Variants in JAKMIP3 observed in about 807,000 individuals in gnomAD.
JAKMIP3 encodes the protein janus kinase and microtubule-interacting protein 3.
In JAKMIP3, 58 loss-of-function variants were observed where a neutral mutation model predicts 118.5. The observed-to-expected ratio is 0.49, with a 90% CI of 0.40 to 0.61. JAKMIP3 has a LOEUF of 0.61. Among genes scored for constraint, JAKMIP3 ranks in the 20% least tolerant of loss-of-function variants. JAKMIP3 has a pLI of 0.00. For missense variants in JAKMIP3, 950 were observed against 1,109.0 expected, an observed-to-expected ratio of 0.86 and a Z score of 2.04; for synonymous variants, 486 against 451.2, an observed-to-expected ratio of 1.08 and a Z score of -0.98.
At chr10:132,163,077 C>T (rs1033954494) in intron 19 of JAKMIP3, 132 bp from the exon 20 acceptor site, 1 of 854,924 alleles carries the variant, frequency 1.2e-6, no homozygotes, top group Non-Finnish European at 1.8e-6. Flanking sequence ...GGCCACAGCA[C>T]TGGGTCCCTC....
intron 23 of JAKMIP3, among the ~76,000 whole-genome samples, chr10:132,178,290 A>G (rs1052911770): frequency 7.9e-5 from 12 of 152,238 alleles, no homozygotes; most frequent in African/African-American, 2.9e-4. Context: ...CCCTGGGCAG[A>G]CAGGGAGTTG....
chr10:132,073,570 C>T (rs9419341), intron 1 of JAKMIP3, among the ~76,000 whole-genome samples: 23,476 of 150,428 alleles, frequency 0.16, 2,129 homozygotes, highest in East Asian at 0.31. Flanking sequence ...GATCTCAGCT[C>T]ACTTCAGCCT....
chr10:132,120,971 C>T (rs1033233385), intron 3 of JAKMIP3, among the ~76,000 whole-genome samples: 3 of 152,206 alleles, frequency 2.0e-5, no homozygotes, highest in African/African-American at 7.2e-5. Context: ...GGTGTCCAGC[C>T]TGGGCATGAG....
intron 23 of JAKMIP3, among the ~76,000 whole-genome samples, chr10:132,177,458 ATG>A (rs1351040823): frequency 7.2e-6 from 1 of 138,604 alleles, no homozygotes; most frequent in South Asian, 2.4e-4. Context: ...GGTAGTGTGC[ATG>A]TGTGTGTGCA....
At chr10:132,157,391 T>C (rs1027586167) in intron 19 of JAKMIP3, among the ~76,000 whole-genome samples, 1 of 152,168 alleles carries the variant, frequency 6.6e-6, no homozygotes, top group African/African-American at 2.4e-5. Flanking sequence ...TCCCCAGTAG[T>C]GGACTTAGGT....
At chr10:132,084,331 C>T (rs541931624) in intron 1 of JAKMIP3, among the ~76,000 whole-genome samples, 3 of 152,286 alleles carry the variant, frequency 2.0e-5, no homozygotes, top group African/African-American at 7.2e-5. Context: ...TGATTTGATT[C>T]TCAGCTTAGT....
At chr10:132,136,982 C>T (rs747007432) in intron 6 of JAKMIP3, 37 bp from the exon 7 acceptor site, 4 of 1,603,148 alleles carry the variant, frequency 2.5e-6, no homozygotes, top group Non-Finnish European at 2.6e-6. Flanking sequence ...GACCCCTTCA[C>T]TCCCCAACTT....
At position 132,179,010 on chromosome 10, in the gene JAKMIP3, C is replaced by T. The variant is rs2060445756; in HGVS notation, c.*1104-3347C>T. On this transcript the variant is annotated intron_variant, in intron 23 of 23. Transcript: ENST00000684848. The surrounding 1 kb of genome is among the most constrained non-coding windows in gnomAD (Gnocchi z 4.3). ...TGCAGCTTTTAGCGAGGTTCTGGTG[C>T]CTTCGTGCCCGTGGGGCTGGGGGCC... 6.6e-6 allele frequency among the ~76,000 whole-genome samples: 1 copy of T among 152,232 alleles called. No individual in the cohort carries two copies. The highest frequency in any genetic ancestry group is 2.1e-4 in the South Asian group (1 of 4,830).
chr10:132,103,280 C>T (rs34352857), intron 1 of JAKMIP3, among the ~76,000 whole-genome samples: 34,625 of 150,846 alleles, frequency 0.23, 4,606 homozygotes, highest in African/African-American at 0.38. Flanking sequence ...TTAGGAGCAC[C>T]GGGGGTCCTT....
chr10:132,136,307 C>A (rs1047286441), intron 6 of JAKMIP3, among the ~76,000 whole-genome samples: 2 of 152,172 alleles, frequency 1.3e-5, no homozygotes, highest in African/African-American at 4.8e-5. Flanking sequence ...GGCTGTGGGG[C>A]GTCCCCTCCC....
intron 2 of JAKMIP3, among the ~76,000 whole-genome samples, chr10:132,108,189 C>T (rs981021277): frequency 4.6e-5 from 7 of 152,192 alleles, no homozygotes; most frequent in African/African-American, 1.2e-4. Flanking sequence ...GGGGTTTTCA[C>T]ACCTCACTGT....
chr10:132,118,962 T>G lies in JAKMIP3; in HGVS notation c.633+1388T>G, dbSNP rs2048143361. On this transcript the variant is annotated intron_variant, in intron 3 of 23. Coordinates refer to ENST00000684848, the MANE Select transcript of JAKMIP3 (RefSeq NM_001323087.2). The surrounding 1 kb of genome is among the most constrained non-coding windows in gnomAD (Gnocchi z 4.8). ...CACACGACCCTTTCATTTGTCTTGG[T>G]TGGATTCGATGCTCTCAGTAGAGGA... Among the ~76,000 whole-genome samples, 1 of 152,214 alleles carries G rather than the reference T, an allele frequency of 6.6e-6. No individual in the cohort carries two copies. Among genetic ancestry groups the G allele is most frequent in the Admixed American group, 6.5e-5 (1 of 15,288 alleles).
chr10:132,180,581 G>A (rs1424312783), intron 23 of JAKMIP3, among the ~76,000 whole-genome samples: 2 of 24,348 alleles, frequency 8.2e-5, no homozygotes, highest in Non-Finnish European at 7.5e-5. Context: ...GTGTGTGTGC[G>A]TGCGCGTGTG....
At chr10:132,139,443 TGA>T (rs1485775841) in intron 9 of JAKMIP3, among the ~76,000 whole-genome samples, 8 of 138,068 alleles carry the variant, frequency 5.8e-5, no homozygotes, top group African/African-American at 2.0e-4. Flanking sequence ...TGTGTACATG[TGA>T]GTGTATATGT....
chr10:132,128,318 G>A (rs995029297), intron 3 of JAKMIP3, among the ~76,000 whole-genome samples: 1 of 152,062 alleles, frequency 6.6e-6, no homozygotes, highest in Admixed American at 6.6e-5. Flanking sequence ...CTTTTTTCCT[G>A]TCTACTTTTA....
intron 22 of JAKMIP3, 141 bp from the exon 23 acceptor site, chr10:132,167,807 ACCCCT>A: frequency 2.5e-6 from 1 of 404,462 alleles, no homozygotes; most frequent in African/African-American, 2.7e-5. Context: ...TTCGGTCCTC[ACCCCT>A]CACCCCTCGG....
At chr10:132,159,372 T>TGG (rs2057570488) in intron 19 of JAKMIP3, among the ~76,000 whole-genome samples, 4 of 24,014 alleles carry the variant, frequency 1.7e-4, no homozygotes, top group Non-Finnish European at 3.5e-4. Flanking sequence ...GTGATGCTGG[T>TGG]TGGGGGGGGT....
intron 9 of JAKMIP3, among the ~76,000 whole-genome samples, chr10:132,139,259 T>TGA (rs2052742305): frequency 1.3e-5 from 2 of 151,546 alleles, no homozygotes; most frequent in Non-Finnish European, 2.9e-5. Context: ...TATGTGTGTG[T>TGA]GTGTATGTGT....
chr10:132,063,191 G>A (rs2038462943), upstream of JAKMIP3, among the ~76,000 whole-genome samples: 1 of 152,170 alleles, frequency 6.6e-6, no homozygotes, highest in Non-Finnish European at 1.5e-5. Context: ...CGGGCTGTGG[G>A]ATCAGACTTG....
Sources: gnomAD v4.1 joint callset for allele counts (sites outside exome capture counted in the v4.1 genomes callset) on GRCh38, gnomAD v4.1.1 for gene constraint, Gnocchi (gnomAD v3.1) non-coding constraint, MANE v1.5 for transcripts, NCBI Gene and HGNC (gene_info 2026-07-23, HGNC 2026-07-21) for gene names.